CREB5: variants seen among roughly 807,000 people sequenced by gnomAD.
CREB5 encodes cyclic AMP-responsive element-binding protein 5.
CREB5 carries 19 observed loss-of-function variants against 57.1 expected under a neutral mutation model. That is an observed-to-expected ratio of 0.33 (90% confidence interval 0.23 to 0.49). The LOEUF is 0.49. CREB5 is among the 20% of genes least tolerant of loss of function. The pLI, the probability that CREB5 is intolerant of heterozygous loss-of-function variation, is 0.99. For missense variants in CREB5, 579 were observed against 671.6 expected, an observed-to-expected ratio of 0.86 and a Z score of 1.52; for synonymous variants, 238 against 238.3, an observed-to-expected ratio of 1.00 and a Z score of 0.01.
chr7:28,507,149 T>G lies in CREB5; in HGVS notation c.170-467T>G, dbSNP rs372646286. 5.3e-5 allele frequency among the ~76,000 whole-genome samples: 8 copies of G among 152,366 alleles called. No individual in the cohort carries two copies. The East Asian group carries it at 5.8e-4, about 11-fold the overall frequency. On this transcript the variant is annotated intron_variant, in intron 3 of 10. Transcript: ENST00000357727. ...AAAATGAATTAACATGCTTGTTTGT[T>G]TCTTTTTGTTTACTATAAGAATTTG...
chr7:28,360,220 A>G (rs1442993827), intron 1 of CREB5, among the ~76,000 whole-genome samples: 1 of 152,250 alleles, frequency 6.6e-6, no homozygotes, highest in Non-Finnish European at 1.5e-5. Context: ...ACTTCTGGTT[A>G]TATATCTAAA....
chr7:28,427,930 A>C (rs1245452406), intron 1 of CREB5, among the ~76,000 whole-genome samples: 1 of 152,204 alleles, frequency 6.6e-6, no homozygotes, highest in East Asian at 1.9e-4. Flanking sequence ...TGAACCAAAC[A>C]AACAAAATCT....
At chr7:28,584,062 T>C (rs1796221867) in intron 5 of CREB5, among the ~76,000 whole-genome samples, 1 of 152,092 alleles carries the variant, frequency 6.6e-6, no homozygotes, top group Non-Finnish European at 1.5e-5. Context: ...TCCTCTCTCT[T>C]CACAATTTCA....
At position 28,804,555 on chromosome 7, in the gene CREB5, T is replaced by C. The variant is rs1187150414; in HGVS notation, c.1026+33T>C. On this transcript the variant is annotated intron_variant, in intron 8 of 10. Coordinates refer to ENST00000357727, the MANE Select transcript of CREB5 (RefSeq NM_182898.4). ...TTTTCCGTGATCTCTTTCCCCTTCTTATTCTCCTTCTTAACAGTGCAAGCT... is the reference window on the plus strand; with the variant it reads ...TTTTCCGTGATCTCTTTCCCCTTCTCATTCTCCTTCTTAACAGTGCAAGCT... 2.5e-6 allele frequency: 4 copies of C among 1,605,504 alleles called. No individual in the cohort carries two copies. In the African/African-American group the frequency reaches 5.3e-5, roughly 21 times the overall value.
chr7:28,381,488 T>C (rs1786966261), intron 1 of CREB5, among the ~76,000 whole-genome samples: 1 of 152,218 alleles, frequency 6.6e-6, no homozygotes, highest in South Asian at 2.1e-4. Context: ...CGGACTTTGA[T>C]TTCTCATAGG....
chr7:28,322,225 T>A (rs1042872041), intron 1 of CREB5, among the ~76,000 whole-genome samples: 3 of 152,016 alleles, frequency 2.0e-5, no homozygotes, highest in Admixed American at 6.6e-5. Flanking sequence ...TAAAACAGAA[T>A]TAACGGATTT....
At chr7:28,550,910 G>T (rs1794612416) in intron 4 of CREB5, among the ~76,000 whole-genome samples, 1 of 152,186 alleles carries the variant, frequency 6.6e-6, no homozygotes, top group Non-Finnish European at 1.5e-5. Flanking sequence ...TCAGCTTCAA[G>T]TCAGATAAAA....
At chr7:28,676,582 C>T (rs1298728492) in intron 5 of CREB5, among the ~76,000 whole-genome samples, 1 of 152,100 alleles carries the variant, frequency 6.6e-6, no homozygotes, top group African/African-American at 2.4e-5. Context: ...CCTACAAATT[C>T]AAGACTTTTG....
intron 1 of CREB5, among the ~76,000 whole-genome samples, chr7:28,443,840 T>C (rs1289579208): frequency 6.6e-6 from 1 of 152,146 alleles, no homozygotes; most frequent in Non-Finnish European, 1.5e-5. Flanking sequence ...GCCATCAAAT[T>C]CTTCCTCTGC....
intron 7 of CREB5, among the ~76,000 whole-genome samples, chr7:28,759,693 A>G (rs1276974049): frequency 6.6e-6 from 1 of 152,204 alleles, no homozygotes; most frequent in Non-Finnish European, 1.5e-5. Flanking sequence ...TCAGGCGAGG[A>G]TGGAGGGTCA....
intron 5 of CREB5, among the ~76,000 whole-genome samples, chr7:28,668,063 A>C (rs1177009061): frequency 1.3e-5 from 2 of 152,180 alleles, no homozygotes; most frequent in Non-Finnish European, 2.9e-5. Flanking sequence ...CAAAAATCAC[A>C]CATTTTCATA....
At chr7:28,505,203 CGCACACACACACACAT>C (rs1792431434) in intron 3 of CREB5, among the ~76,000 whole-genome samples, 1 of 118,578 alleles carries the variant, frequency 8.4e-6, no homozygotes, top group African/African-American at 2.6e-5. Flanking sequence ...TGCACACACA[CGCACACACACACACAT>C]GCACACACGC....
intron 7 of CREB5, among the ~76,000 whole-genome samples, chr7:28,787,763 C>G (rs557356728): frequency 6.6e-6 from 1 of 152,082 alleles, no homozygotes; most frequent in African/African-American, 2.4e-5. Flanking sequence ...CTTGTTGCCT[C>G]GGCTGGTCTC....
intron 5 of CREB5, among the ~76,000 whole-genome samples, chr7:28,607,112 C>T (rs1797162477): frequency 1.3e-5 from 2 of 152,142 alleles, no homozygotes; most frequent in South Asian, 4.1e-4. Flanking sequence ...TCCCTTCTCC[C>T]TGCCCTTCCC....
chr7:28,336,452 A>G (rs144422521), intron 1 of CREB5, among the ~76,000 whole-genome samples: 231 of 151,968 alleles, frequency 1.5e-3, no homozygotes, highest in African/African-American at 5.3e-3. Context: ...TAATTTATCC[A>G]TTTCTTCTAG....
rs150497023 is a variant in CREB5, at chr7:28,644,868, T to G, written c.465-73885T>G. Among the ~76,000 whole-genome samples, 850 of 152,324 alleles carry G rather than the reference T, an allele frequency of 5.6e-3. 9 individuals carry two copies. Among genetic ancestry groups the G allele is most frequent in the African/African-American group, 0.02 (812 of 41,576 alleles). On this transcript the variant is annotated intron_variant, in intron 5 of 10. Transcript: ENST00000357727. ...ATTTCTACCAGTCTTTCTAGATTGC[T>G]CTTCCTTGAGAATGAGGATGAGTTT...
intron 5 of CREB5, among the ~76,000 whole-genome samples, chr7:28,693,034 A>G (rs535174113): frequency 6.6e-6 from 1 of 152,356 alleles, no homozygotes; most frequent in East Asian, 1.9e-4. Flanking sequence ...TGCAATTATT[A>G]TGGAGAGTGG....
At chr7:28,404,319 G>A (rs42704) in intron 1 of CREB5, among the ~76,000 whole-genome samples, 102,394 of 151,908 alleles carry the variant, frequency 0.67, 35,048 homozygotes, top group African/African-American at 0.8. Flanking sequence ...GATGCCATTG[G>A]TTTTTTTTGC....
At chr7:28,488,328 TG>T in intron 2 of CREB5, 82 bp downstream of exon 2, 1 of 1,260,170 alleles carries the variant, frequency 7.9e-7, no homozygotes, top group East Asian at 2.3e-5. Flanking sequence ...CAATCATGCC[TG>T]CCCTGGGCTT....
Sources: gnomAD v4.1 joint callset for allele counts (sites outside exome capture counted in the v4.1 genomes callset) on GRCh38, gnomAD v4.1.1 for gene constraint, MANE v1.5 for transcripts, NCBI Gene and HGNC (gene_info 2026-07-23, HGNC 2026-07-21) for gene names.